Variants in MYH15 observed in about 807,000 individuals in gnomAD.
The protein encoded by MYH15 is myosin heavy chain 15.
In MYH15, 227 loss-of-function variants were observed where a neutral mutation model predicts 240.5. That is an observed-to-expected ratio of 0.94 (90% CI 0.85 to 1.05). MYH15 has a LOEUF of 1.05. MYH15 is among the 50% of genes least tolerant of loss of function. The probability of loss-of-function intolerance (pLI) is 0.00; values close to 1 mark genes in which losing one functional copy is unlikely to be tolerated. For synonymous variants in MYH15, 785 were observed against 796.7 expected (o/e 0.99, Z 0.25); for missense variants, 2,217 against 2,247.5 (o/e 0.99, Z 0.27).
upstream of MYH15, among the ~76,000 whole-genome samples, chr3:108,512,374 T>C (rs1192472208): frequency 9.9e-5 from 15 of 152,270 alleles, no homozygotes; most frequent in Admixed American, 7.8e-4. Context: ...GGTGGCATAT[T>C]CTGGGTAGAT....
At chr3:108,480,978 C>T (rs1038064261) in intron 11 of MYH15, among the ~76,000 whole-genome samples, 1 of 151,954 alleles carries the variant, frequency 6.6e-6, no homozygotes, top group African/African-American at 2.4e-5. Flanking sequence ...ATATTAAGAA[C>T]CCTTAGAATT....
intron 9 of MYH15, among the ~76,000 whole-genome samples, chr3:108,490,955 T>C (rs1333540354): frequency 1.3e-5 from 2 of 152,030 alleles, no homozygotes; most frequent in Non-Finnish European, 2.9e-5. Flanking sequence ...TGGCACATTC[T>C]CAGCTCACTG....
In MYH15 at chr3:108,439,777, A is replaced by G; in HGVS notation, c.3035T>C (p.Leu1012Pro). The G allele has an allele frequency of 6.2e-7, 1 of 1,611,050 alleles. No homozygotes were observed. The highest frequency in any genetic ancestry group is 8.5e-7 in the Non-Finnish European group (1 of 1,178,836). ...TTCCAGCTTCAGATTTGCTTTGCTC[A>G]GGCTGCTGAGCTTCTCCTCCTCCAT... ...LHMEEEKLSS[L>P]SKANLKLEQQ... Residue 1012 changes from leucine (L) to proline (P), a missense_variant, in exon 24 of 41, where the codon CTG becomes CCG. By Grantham distance (98) the Leu-to-Pro change is moderately conservative. Coordinates refer to ENST00000693548, the MANE Select transcript of MYH15 (RefSeq NM_014981.3).
rs983728172 is a variant in MYH15 at position 108,414,410 on chromosome 3, G to A, written c.3967C>T (p.His1323Tyr). The A allele has an allele frequency of 4.3e-6, 7 of 1,614,008 alleles. No homozygotes were observed. Among genetic ancestry groups the A allele is most frequent in the East Asian group, 2.2e-5 (1 of 44,884 alleles). Residue 1323 changes from histidine to tyrosine, a missense_variant, in exon 30 of 41, where the codon CAT becomes TAT. His to Tyr is a moderately conservative substitution (Grantham distance 83). Transcript: ENST00000693548. ...KETKSQSALA[H>Y]ALQKAQRDCD... ...TCACGCTGAGCCTTCTGCAGGGCAT[G>A]GGCCAGGGCACTCTGGGACTGTAGG... is the stretch of plus-strand genomic sequence containing the variant.
chr3:108,543,173 C>T, the MYH15 span, among the ~76,000 whole-genome samples: 1 of 152,156 alleles, frequency 6.6e-6, no homozygotes. Flanking sequence ...GCCACCGCAC[C>T]AGGTCAATCT....
chr3:108,435,329 T>C (rs908215072), intron 25 of MYH15, among the ~76,000 whole-genome samples: 2 of 152,206 alleles, frequency 1.3e-5, no homozygotes, highest in African/African-American at 4.8e-5. Flanking sequence ...ACACTTAACA[T>C]GAGCTCTACT....
chr3:108,387,958 C>T (rs1328736665), intron 38 of MYH15, among the ~76,000 whole-genome samples: 2 of 152,224 alleles, frequency 1.3e-5, no homozygotes, highest in Non-Finnish European at 2.9e-5. Flanking sequence ...ACAACTCAGC[C>T]TCAGGAACCA....
intron 18 of MYH15, among the ~76,000 whole-genome samples, chr3:108,457,151 C>T (rs914495223): frequency 3.9e-5 from 6 of 152,066 alleles, no homozygotes; most frequent in African/African-American, 1.4e-4. Context: ...TGTTTATAAG[C>T]AAATATTCTT....
chr3:108,456,953 T>G (rs977473774), intron 18 of MYH15, 70 bp from the exon 19 acceptor site: 1 of 1,092,138 alleles, frequency 9.2e-7, no homozygotes, highest in African/African-American at 1.6e-5. Flanking sequence ...TTTGAACCAA[T>G]TGCTGCATCT....
In MYH15 at chr3:108,500,172, C is replaced by T. The variant is rs1213888673; in HGVS notation, c.442G>A (p.Ala148Thr). 1 of 1,614,064 alleles carries T rather than the reference C, an allele frequency of 6.2e-7. No individual in the cohort carries two copies. Among genetic ancestry groups the T allele is most frequent in the Admixed American group, 1.7e-5 (1 of 60,008 alleles). Residue 148 changes from alanine (A) to threonine (T), a missense_variant, in exon 4 of 41, where the codon GCT becomes ACT. Physicochemically the swap from Ala to Thr is moderately conservative, Grantham distance 58 (BLOSUM62 0). Coordinates refer to ENST00000693548, the MANE Select transcript of MYH15 (RefSeq NM_014981.3). ...GCAACAGCAAAGATGTGAGGGGGAG[C>T]CTCTGATCGCCTCTTCCCTTTGTAG... Reference protein sequence around the residue: ...AAYKGKRRSEAPPHIFAVANN... With the variant: ...AAYKGKRRSETPPHIFAVANN...
Position 108,381,394 on chromosome 3 carries a change from TTTAA to T in MYH15, c.*147_*150del. 1 of 885,592 alleles carries T rather than the reference TTTAA, an allele frequency of 1.1e-6. No individual in the cohort carries two copies. The highest frequency in any genetic ancestry group is 1.8e-6 in the Non-Finnish European group (1 of 545,902). The allele number at this position is 885,592 out of a possible 1,614,324, so 54.9% of individuals were successfully genotyped here. On this transcript the variant is annotated 3_prime_UTR_variant, in exon 41 of 41. Coordinates refer to ENST00000693548, the MANE Select transcript of MYH15 (RefSeq NM_014981.3). ...TAACTGTGGAAGCAATGATATTCCC[TTTAA>T]TTATTTTTCTAATTGCCTTGTTTAT...
intron 22 of MYH15, among the ~76,000 whole-genome samples, chr3:108,442,642 G>A (rs569286039): frequency 3.2e-4 from 49 of 152,222 alleles, no homozygotes; most frequent in African/African-American, 1.1e-3. Context: ...GAGCAATGGT[G>A]TGGCAGTTTA....
At chr3:108,535,500 C>A in the MYH15 span, among the ~76,000 whole-genome samples, 1 of 152,044 alleles carries the variant, frequency 6.6e-6, no homozygotes, top group Non-Finnish European at 1.5e-5. Context: ...GGCCCCACAT[C>A]CAAATATCAT....
chr3:108,458,147 G>C (rs1170842004), intron 18 of MYH15, among the ~76,000 whole-genome samples: 2 of 152,160 alleles, frequency 1.3e-5, no homozygotes, highest in Non-Finnish European at 2.9e-5. Context: ...ATGAATAACT[G>C]TTTTGATTAG....
chr3:108,408,457 C>T (rs2082563253), intron 31 of MYH15, 53 bp from the exon 32 acceptor site: 3 of 1,535,812 alleles, frequency 2.0e-6, no homozygotes, highest in Non-Finnish European at 2.6e-6. Context: ...AGTCTCAAAC[C>T]AATGATACCA....
intron 20 of MYH15, 39 bp from the exon 21 acceptor site, chr3:108,454,181 G>T: frequency 6.4e-7 from 1 of 1,567,110 alleles, no homozygotes; most frequent in Non-Finnish European, 8.7e-7. Flanking sequence ...CTGATAATGG[G>T]TATTCAGCAA....
chr3:108,456,251 T>C (rs544914295), intron 19 of MYH15, among the ~76,000 whole-genome samples: 94 of 152,292 alleles, frequency 6.2e-4, no homozygotes, highest in African/African-American at 1.7e-3. Context: ...AAACAAGAAA[T>C]ATGCCTCCTA....
At chr3:108,475,346 TAAGAA>T (rs947852882) in intron 12 of MYH15, among the ~76,000 whole-genome samples, 2 of 152,166 alleles carry the variant, frequency 1.3e-5, no homozygotes, top group Admixed American at 6.6e-5. Flanking sequence ...AGTATTATTG[TAAGAA>T]TAGAAGGCAA....
At chr3:108,381,649 G>C in intron 40 of MYH15, 90 bp from the exon 41 acceptor site, 1 of 1,429,672 alleles carries the variant, frequency 7.0e-7, no homozygotes, top group Non-Finnish European at 9.9e-7. Flanking sequence ...GTCCCTTCCA[G>C]AGGTAAGCAG....
Sources: gnomAD v4.1 joint callset for allele counts (sites outside exome capture counted in the v4.1 genomes callset) on GRCh38, gnomAD v4.1.1 for gene constraint, MANE v1.5 for transcripts, NCBI Gene and HGNC (gene_info 2026-07-23, HGNC 2026-07-21) for gene names.